PRUNE2: variants seen among roughly 807,000 people sequenced by gnomAD.
The protein encoded by PRUNE2 is protein prune homolog 2.
In PRUNE2, 164 loss-of-function variants were observed where a neutral mutation model predicts 252.0. That is an observed-to-expected ratio of 0.65 (90% confidence interval 0.57 to 0.74). PRUNE2 has a LOEUF of 0.74. Ranked by LOEUF, PRUNE2 falls within the 30% of genes least tolerant of loss-of-function variation. PRUNE2 has a pLI of 0.00. For synonymous variants in PRUNE2, 1,292 were observed against 1,350.2 expected (o/e 0.96, Z 0.94); for missense variants, 3,495 against 3,711.0 (o/e 0.94, Z 1.51).
intron 4 of PRUNE2, 145 bp from the exon 5 acceptor site, chr9:76,826,877 A>G: frequency 1.7e-6 from 1 of 598,728 alleles, no homozygotes; most frequent in Non-Finnish European, 2.9e-6. Context: ...CGTAACATTC[A>G]AGAGCCAATT....
In PRUNE2 at chr9:76,845,985, G is replaced by A. The variant is rs567056524; in HGVS notation, c.508+530C>T. ...TGGTGTGTTCAGGACCCCAGGGCTT[G>A]AAACAGTTTGAGTGAAGACAGAATA... is the stretch of plus-strand genomic sequence containing the variant. On this transcript the variant is annotated intron_variant, in intron 4 of 18. Coordinates refer to ENST00000376718, the MANE Select transcript of PRUNE2 (RefSeq NM_015225.3). Among the ~76,000 whole-genome samples the A allele has an allele frequency of 1.5e-3, 235 of 152,322 alleles. 1 individual carries two copies. The highest frequency in any genetic ancestry group is 5.4e-3 in the African/African-American group (223 of 41,560).
intron 6 of PRUNE2, chr9:76,786,531 CAT>C (rs2055000625): frequency 6.6e-6 from 1 of 152,126 alleles, no homozygotes; most frequent in Non-Finnish European, 1.5e-5. Context: ...CCTCTTGACA[CAT>C]ATTAGCTTCT....
chr9:76,862,843 CT>C (rs1589647961), intron 1 of PRUNE2: 2 of 152,108 alleles, frequency 1.3e-5, no homozygotes, highest in African/African-American at 4.8e-5. Flanking sequence ...TTTAACTTCT[CT>C]TTTCAAAATT....
At chr9:76,637,336 G>C in intron 14 of PRUNE2, 82 bp downstream of exon 14, 1 of 1,323,274 alleles carries the variant, frequency 7.6e-7, no homozygotes. Context: ...GTATAATGAA[G>C]ATAATAACAG....
chr9:76,705,631 C>T lies in PRUNE2; in HGVS notation c.6643G>A (p.Ala2215Thr). 6.2e-7 allele frequency: 1 copy of T among 1,613,990 alleles called. No individual in the cohort carries two copies. The highest frequency in any genetic ancestry group is 8.5e-7 in the Non-Finnish European group (1 of 1,179,884). ...VSEKGASPDMAPILEPVDRRI... is the reference protein window; with the variant it reads ...VSEKGASPDMTPILEPVDRRI... ...CTGTCAACTGGTTCCAAAATTGGTG[C>T]CATATCTGGGCTGGCTCCTTTTTCT... The change falls in exon 8 of 19, where the codon GCA becomes ACA. Residue 2215 changes from alanine (A) to threonine (T), a missense_variant. Physicochemically the swap from Ala to Thr is moderately conservative, Grantham distance 58. Coordinates refer to ENST00000376718, the MANE Select transcript of PRUNE2 (RefSeq NM_015225.3).
intron 9 of PRUNE2, among the ~76,000 whole-genome samples, chr9:76,690,889 A>G (rs1391484911): frequency 6.6e-6 from 1 of 152,168 alleles, no homozygotes; most frequent in East Asian, 1.9e-4. Flanking sequence ...AAAAATGTTT[A>G]ATTTGCCCAT....
intron 9 of PRUNE2, among the ~76,000 whole-genome samples, chr9:76,682,139 CA>C (rs1282500488): frequency 6.6e-6 from 1 of 152,022 alleles, no homozygotes; most frequent in African/African-American, 2.4e-5. Context: ...TGATCTTAGC[CA>C]GAAGCCCCTC....
chr9:76,694,668 C>T (rs917708849), intron 9 of PRUNE2, among the ~76,000 whole-genome samples: 2 of 152,150 alleles, frequency 1.3e-5, no homozygotes, highest in Non-Finnish European at 2.9e-5. Flanking sequence ...AAGATGTTCT[C>T]ACAGATTGTG....
chr9:76,853,640 T>C (rs1395503186), intron 2 of PRUNE2, among the ~76,000 whole-genome samples: 2 of 152,212 alleles, frequency 1.3e-5, no homozygotes, highest in African/African-American at 4.8e-5. Flanking sequence ...AGATTTGACA[T>C]GTAATACTCG....
At chr9:76,760,759 T>C (rs919812321) in intron 6 of PRUNE2, among the ~76,000 whole-genome samples, 5 of 152,084 alleles carry the variant, frequency 3.3e-5, no homozygotes, top group African/African-American at 1.2e-4. Flanking sequence ...ACATGCATCT[T>C]AGATTTACTG....
intron 1 of PRUNE2, among the ~76,000 whole-genome samples, chr9:76,897,105 T>C (rs920152175): frequency 1.3e-5 from 2 of 152,236 alleles, no homozygotes; most frequent in Admixed American, 6.5e-5. Flanking sequence ...TTGGTTGATA[T>C]TCTGTTGTCC....
chr9:76,682,274 T>G (rs1180092517), intron 9 of PRUNE2, among the ~76,000 whole-genome samples: 2 of 151,416 alleles, frequency 1.3e-5, no homozygotes, highest in Non-Finnish European at 1.5e-5. Context: ...TTACCATATA[T>G]TTTATATATA....
intron 6 of PRUNE2, among the ~76,000 whole-genome samples, chr9:76,802,790 T>G (rs896856419): frequency 1.8e-4 from 28 of 152,214 alleles, no homozygotes; most frequent in African/African-American, 6.5e-4. Context: ...TGGAAAGTTC[T>G]AAGAGTGTGT....
At chr9:76,850,895 CTTTAT>C (rs1564436850) in intron 2 of PRUNE2, among the ~76,000 whole-genome samples, 1 of 151,778 alleles carries the variant, frequency 6.6e-6, no homozygotes, top group Non-Finnish European at 1.5e-5. Flanking sequence ...ACATCTCATG[CTTTAT>C]TTTATGTCTC....
chr9:76,627,931 C>G, intron 16 of PRUNE2: 1 of 299,898 alleles, frequency 3.3e-6, no homozygotes, highest in Non-Finnish European at 6.8e-6. Flanking sequence ...CATGAGAATT[C>G]TTTCCTTCCA....
intron 16 of PRUNE2, among the ~76,000 whole-genome samples, chr9:76,624,802 T>C (rs1250787680): frequency 6.6e-6 from 1 of 152,332 alleles, no homozygotes; most frequent in Non-Finnish European, 1.5e-5. Context: ...TCAAGTTAGC[T>C]TGCAGCCTGG....
chr9:76,735,963 GT>G (rs1363210277), intron 6 of PRUNE2, among the ~76,000 whole-genome samples: 1 of 152,170 alleles, frequency 6.6e-6, no homozygotes, highest in Non-Finnish European at 1.5e-5. Context: ...CTCATTTGAG[GT>G]TGGGCATCAT....
intron 6 of PRUNE2, among the ~76,000 whole-genome samples, chr9:76,747,027 G>T (rs796299976): frequency 6.6e-6 from 1 of 152,190 alleles, no homozygotes; most frequent in African/African-American, 2.4e-5. Flanking sequence ...AGTTCCAGAA[G>T]CCCAGACTTT....
Position 76,706,790 on chromosome 9 carries a change from C to T in PRUNE2, c.5484G>A (p.Glu1828=). ...CTTCCTGGGGTGAGGCCTTCCACCA[C>T]TCAGTGCTATCAGCTGAGAAGCCCA... The part of the protein sequence containing the change: ...EMLGFSADST[E]WWKASPQEGR... Residue 1828 remains glutamate (E), a synonymous_variant, in exon 8 of 19, where the codon GAG becomes GAA. Coordinates refer to ENST00000376718, the MANE Select transcript of PRUNE2 (RefSeq NM_015225.3). 3 of 1,610,114 alleles carry T rather than the reference C, an allele frequency of 1.9e-6. No homozygotes were observed. Among genetic ancestry groups the T allele is most frequent in the Non-Finnish European group, 1.7e-6 (2 of 1,178,040 alleles).
Sources: gnomAD v4.1 joint callset for allele counts (sites outside exome capture counted in the v4.1 genomes callset) on GRCh38, gnomAD v4.1.1 for gene constraint, MANE v1.5 for transcripts, NCBI Gene and HGNC (gene_info 2026-07-23, HGNC 2026-07-21) for gene names.